PCDHGB4: variants seen among roughly 807,000 people sequenced by gnomAD.
The protein encoded by PCDHGB4 is protocadherin gamma-B4.
In PCDHGB4, 38 loss-of-function variants were observed where a neutral mutation model predicts 60.5. That is an observed-to-expected ratio of 0.63 (90% confidence interval 0.48 to 0.82). PCDHGB4 has a LOEUF of 0.82. PCDHGB4 is among the 40% of genes least tolerant of loss of function. PCDHGB4 has a pLI of 0.00. For missense variants in PCDHGB4, 1,109 were observed against 1,209.6 expected, an observed-to-expected ratio of 0.92 and a Z score of 1.23; for synonymous variants, 456 against 509.7, an observed-to-expected ratio of 0.89 and a Z score of 1.42.
chr5:141,397,571 A>G (rs1205930640), intron 1 of PCDHGB4, among the ~76,000 whole-genome samples: 1 of 152,224 alleles, frequency 6.6e-6, no homozygotes, highest in East Asian at 1.9e-4. Flanking sequence ...GAGAGCAAGA[A>G]CTGTATCATA....
At chr5:141,421,079 T>A (rs2096545177) in intron 1 of PCDHGB4, 1 of 630,528 alleles carries the variant, frequency 1.6e-6, no homozygotes, top group Non-Finnish European at 2.7e-6. Context: ...AGATGGATAC[T>A]CACAGATCCT....
In PCDHGB4 at chr5:141,503,243, C is replaced by T. The variant is rs146741382; in HGVS notation, c.2457-2150C>T. Among the ~76,000 whole-genome samples the T allele has an allele frequency of 3.1e-4, 47 of 152,198 alleles. No individual in the cohort carries two copies. The East Asian group carries it at 8.9e-3, about 29-fold the overall frequency. ...CACCGTAAAGATGGACAGTTTCTAT[C>T]ATACTCACAGCCACAACCCCAGCAC... On this transcript the variant is annotated intron_variant, in intron 2 of 3. Coordinates refer to ENST00000519479, the MANE Select transcript of PCDHGB4 (RefSeq NM_003736.4).
In PCDHGB4 at chr5:141,477,767, A is replaced by G. The variant is rs1178354274; in HGVS notation, c.2398-17040A>G. 6.2e-7 allele frequency: 1 copy of G among 1,613,906 alleles called. No homozygotes were observed. The highest frequency in any genetic ancestry group is 8.5e-7 in the Non-Finnish European group (1 of 1,180,038). On this transcript the variant is annotated intron_variant, in intron 1 of 3. Coordinates refer to ENST00000519479, the MANE Select transcript of PCDHGB4 (RefSeq NM_003736.4). The surrounding 1 kb of genome is among the most constrained non-coding windows in gnomAD (Gnocchi z 4.9). ...GGGCACCCCGGTCCTAGCCACCAAC[A>G]TCAGCGTGAACATATTTGTCACTGA...
intron 3 of PCDHGB4, 88 bp from the exon 4 acceptor site, chr5:141,510,859 A>G: frequency 6.2e-7 from 1 of 1,606,096 alleles, no homozygotes; most frequent in Non-Finnish European, 8.5e-7. Context: ...GGTGCTGTAT[A>G]GGCATTCATT....
chr5:141,453,204 C>T (rs1345502837), intron 1 of PCDHGB4, among the ~76,000 whole-genome samples: 1 of 152,260 alleles, frequency 6.6e-6, no homozygotes, highest in East Asian at 1.9e-4. Flanking sequence ...GCCTCAACCT[C>T]GTGCACTTAA....
chr5:141,484,002 A>T, intron 1 of PCDHGB4, among the ~76,000 whole-genome samples: 1 of 25,484 alleles, frequency 3.9e-5, no homozygotes, highest in African/African-American at 1.7e-4. Context: ...GGAGGTCTGG[A>T]TGAGGGTGGG....
rs2099725414 is a variant in PCDHGB4, at chr5:141,491,703, GA to G, written c.2398-3103del. On this transcript the variant is annotated intron_variant, in intron 1 of 3. Coordinates refer to ENST00000519479, the MANE Select transcript of PCDHGB4 (RefSeq NM_003736.4). The surrounding 1 kb of genome is among the most constrained non-coding windows in gnomAD (Gnocchi z 6.9). ...ATACGCTGCGGGAGCGGAGCCAGGT[GA>G]GGGGCTCGGCGCCGCCCCGGGCGAC... is the stretch of plus-strand genomic sequence containing the variant. The G allele has an allele frequency of 3.7e-6, 6 of 1,611,396 alleles. No homozygotes were observed.
chr5:141,467,681 A>G (rs2099148744), intron 1 of PCDHGB4, among the ~76,000 whole-genome samples: 1 of 152,076 alleles, frequency 6.6e-6, no homozygotes, highest in African/African-American at 2.4e-5. Flanking sequence ...TATTTTTTTT[A>G]GACAGGGTCT....
rs2099629540 is a variant in PCDHGB4, at chr5:141,486,436, T to C, written c.2398-8371T>C. 2 of 1,614,188 alleles carry C rather than the reference T, an allele frequency of 1.2e-6. No individual in the cohort carries two copies. The highest frequency in any genetic ancestry group is 1.7e-6 in the Non-Finnish European group (2 of 1,180,020). On this transcript the variant is annotated intron_variant, in intron 1 of 3. Coordinates refer to ENST00000519479, the MANE Select transcript of PCDHGB4 (RefSeq NM_003736.4). This position sits in a 1 kb window ranked among gnomAD's most constrained non-coding sequence, Gnocchi z 5.0. ...TGGATCGAGAGGCCAAATCTAGCTA[T>C]GACATCATGGTCACTGCTTCTGATG... is the stretch of plus-strand genomic sequence containing the variant.
chr5:141,492,071 C>T (rs992716777), intron 1 of PCDHGB4: 7 of 481,874 alleles, frequency 1.5e-5, no homozygotes, highest in African/African-American at 1.4e-4. Context: ...CTCCTAGGCG[C>T]CGGCTCCGGC....
chr5:141,413,570 A>G, intron 1 of PCDHGB4: 1 of 1,613,930 alleles, frequency 6.2e-7, no homozygotes, highest in Non-Finnish European at 8.5e-7. Context: ...GATATCAATG[A>G]CAATGCTCCA....
chr5:141,492,546 G>A (rs2154587552), intron 1 of PCDHGB4, among the ~76,000 whole-genome samples: 1 of 152,336 alleles, frequency 6.6e-6, no homozygotes, highest in East Asian at 1.9e-4. Flanking sequence ...GCTGGGCCGG[G>A]TCGCCTGGGG....
intron 1 of PCDHGB4, chr5:141,400,044 G>T: frequency 1.2e-6 from 2 of 1,613,672 alleles, no homozygotes; most frequent in Non-Finnish European, 1.7e-6. Context: ...AGCGCCTGCT[G>T]GTTGCTGTGC....
chr5:141,470,721 AG>A (rs948288535), intron 1 of PCDHGB4, among the ~76,000 whole-genome samples: 2 of 152,098 alleles, frequency 1.3e-5, no homozygotes, highest in African/African-American at 4.8e-5. Flanking sequence ...TTTTTGAGTC[AG>A]GGTCTTGCTC....
At position 141,394,887 on chromosome 5, in the gene PCDHGB4, T is replaced by C. The variant is rs781200096; in HGVS notation, c.2397+4606T>C. 63 of 1,613,752 alleles carry C rather than the reference T, an allele frequency of 3.9e-5. 1 individual carries two copies. In the Admixed American group the frequency reaches 1.0e-3, roughly 26 times the overall value. ...CCCGAACGATTCGAGCCTTACACTC[T>C]ATCTCGTGGTGGCAGTGGCTGCCAT... is the stretch of plus-strand genomic sequence containing the variant. On this transcript the variant is annotated intron_variant, in intron 1 of 3. Coordinates refer to ENST00000519479, the MANE Select transcript of PCDHGB4 (RefSeq NM_003736.4).
intron 3 of PCDHGB4, chr5:141,508,084 T>A (rs1422530110): frequency 6.6e-6 from 1 of 152,432 alleles, no homozygotes; most frequent in East Asian, 1.9e-4. Flanking sequence ...CTGGAGTTGC[T>A]GCCTTGGCCC....
At chr5:141,463,460 T>TTC (rs573961569) in intron 1 of PCDHGB4, among the ~76,000 whole-genome samples, 28 of 136,126 alleles carry the variant, frequency 2.1e-4, no homozygotes, top group Admixed American at 4.4e-4. Context: ...TTTTTTTTTT[T>TTC]TTTTTTGAGA....
intron 1 of PCDHGB4, chr5:141,399,019 A>G (rs576771907): frequency 2.5e-6 from 4 of 1,613,932 alleles, no homozygotes; most frequent in East Asian, 2.2e-5. Context: ...CGGAGAAATT[A>G]CCACTCAAAA....
rs1025148587 is a variant in PCDHGB4 at position 141,431,434 on chromosome 5, C to A, written c.2397+41153C>A. ...GGGGCGACCCGGTGCGCACAGGCAC[C>A]GCGCGCATCCGCGTGATGGTTCTGG... On this transcript the variant is annotated intron_variant, in intron 1 of 3. Transcript: ENST00000519479. This position sits in a 1 kb window ranked among gnomAD's most constrained non-coding sequence, Gnocchi z 4.8. 1.2e-6 allele frequency: 2 copies of A among 1,613,690 alleles called. No homozygotes were observed. Among genetic ancestry groups the A allele is most frequent in the Admixed American group, 1.7e-5 (1 of 60,014 alleles).
Sources: allele counts gnomAD v4.1 joint callset (sites outside exome capture counted in the v4.1 genomes callset), GRCh38; gene constraint gnomAD v4.1.1; non-coding constraint Gnocchi (gnomAD v3.1); transcripts MANE v1.5; gene names NCBI Gene and HGNC (gene_info 2026-07-23, HGNC 2026-07-21).